Variants in SLC2A13 observed in about 807,000 individuals in gnomAD.
SLC2A13 encodes proton myo-inositol cotransporter.
A neutral mutation model predicts 64.4 loss-of-function variants in SLC2A13; 32 were observed. The ratio of observed to expected loss-of-function variants is 0.50; its 90% CI spans 0.37 to 0.67. SLC2A13 has a LOEUF of 0.67. Among genes scored for constraint, SLC2A13 ranks in the 30% least tolerant of loss-of-function variants. The pLI is 0.00. For missense variants in SLC2A13, 743 were observed against 829.2 expected, an observed-to-expected ratio of 0.90 and a Z score of 1.28; for synonymous variants, 338 against 327.1, an observed-to-expected ratio of 1.03 and a Z score of -0.36.
chr12:40,061,832 A>G (rs1261786293), intron 1 of SLC2A13, among the ~76,000 whole-genome samples: 1 of 152,126 alleles, frequency 6.6e-6, no homozygotes. Context: ...AGGAAATTTA[A>G]AAGTTGATCC....
chr12:40,082,501 G>T (rs990578348), intron 1 of SLC2A13, among the ~76,000 whole-genome samples: 1 of 152,188 alleles, frequency 6.6e-6, no homozygotes, highest in Non-Finnish European at 1.5e-5. Flanking sequence ...GGCAACCAAG[G>T]CCATGCTGCA....
intron 6 of SLC2A13, among the ~76,000 whole-genome samples, chr12:39,853,409 TA>T (rs897676159): frequency 1.1e-4 from 16 of 149,422 alleles, no homozygotes; most frequent in Admixed American, 4.0e-4. Flanking sequence ...TAACACTCTT[TA>T]AAAAAAAAAT....
chr12:40,071,469 G>A (rs1051037228), intron 1 of SLC2A13, among the ~76,000 whole-genome samples: 3 of 151,992 alleles, frequency 2.0e-5, no homozygotes, highest in African/African-American at 7.2e-5. Flanking sequence ...AGAGATACTG[G>A]TCTATAGTTT....
chr12:39,789,534 C>A (rs1006046392), intron 7 of SLC2A13, among the ~76,000 whole-genome samples: 7 of 152,016 alleles, frequency 4.6e-5, no homozygotes, highest in African/African-American at 1.4e-4. Flanking sequence ...TACATGTGTG[C>A]AAGGGTTTCT....
At chr12:39,899,106 G>A (rs1945010747) in intron 4 of SLC2A13, among the ~76,000 whole-genome samples, 1 of 152,044 alleles carries the variant, frequency 6.6e-6, no homozygotes, top group Non-Finnish European at 1.5e-5. Flanking sequence ...GAATCCATCT[G>A]GTCCTGGACT....
intron 1 of SLC2A13, among the ~76,000 whole-genome samples, chr12:40,052,958 CTA>C (rs1448320120): frequency 6.6e-6 from 1 of 152,032 alleles, no homozygotes. Flanking sequence ...TAAAGGCTTT[CTA>C]TGTTATCATT....
chr12:40,081,607 C>G (rs752092952), intron 1 of SLC2A13, among the ~76,000 whole-genome samples: 1 of 152,158 alleles, frequency 6.6e-6, no homozygotes, highest in African/African-American at 2.4e-5. Flanking sequence ...CTTAGATTCC[C>G]TGGATTCAGT....
At chr12:40,100,243 A>C (rs983401237) in intron 1 of SLC2A13, among the ~76,000 whole-genome samples, 1 of 152,246 alleles carries the variant, frequency 6.6e-6, no homozygotes, top group Non-Finnish European at 1.5e-5. Context: ...ATCTAAGATT[A>C]ATTCAACGAA....
chr12:40,092,486 A>G (rs1938800249), intron 1 of SLC2A13, among the ~76,000 whole-genome samples: 1 of 152,184 alleles, frequency 6.6e-6, no homozygotes. Flanking sequence ...TTTAAATTCC[A>G]CATATGTAAT....
intron 7 of SLC2A13, among the ~76,000 whole-genome samples, chr12:39,789,672 A>G (rs937979832): frequency 6.6e-6 from 1 of 152,200 alleles, no homozygotes; most frequent in Non-Finnish European, 1.5e-5. Flanking sequence ...CACTAGCAGT[A>G]GAAGACAGAG....
In SLC2A13 at chr12:39,998,163, G is replaced by GTA. The variant is rs534885459; in HGVS notation, c.925+30136_925+30137dup. The stretch of plus-strand genomic sequence containing the variant: ...CGAGTGGATAAAGAAATTGTGGTAT[G>GTA]TATATATATATGTATACAATGGAAT... On this transcript the variant is annotated intron_variant, in intron 3 of 9. Transcript: ENST00000280871. Among the ~76,000 whole-genome samples the GTA allele has an allele frequency of 2.5e-3, 380 of 152,096 alleles. 2 individuals are homozygous for GTA. The highest frequency in any genetic ancestry group is 0.015 in the East Asian group (79 of 5,168).
At chr12:39,907,424 C>A (rs769265905) in intron 4 of SLC2A13, among the ~76,000 whole-genome samples, 1 of 152,032 alleles carries the variant, frequency 6.6e-6, no homozygotes, top group South Asian at 2.1e-4. Context: ...CTCCAAAAAT[C>A]TTTTTGTGTA....
intron 3 of SLC2A13, among the ~76,000 whole-genome samples, chr12:40,018,185 A>T (rs1351741391): frequency 6.6e-6 from 1 of 152,146 alleles, no homozygotes; most frequent in Non-Finnish European, 1.5e-5. Context: ...GCACAAAATA[A>T]TAAGCTTCAC....
At chr12:39,799,402 G>A (rs536148511) in intron 7 of SLC2A13, among the ~76,000 whole-genome samples, 1 of 151,644 alleles carries the variant, frequency 6.6e-6, no homozygotes, top group East Asian at 1.9e-4. Flanking sequence ...GAGCCACTAA[G>A]CTCAGTCTGT....
At chr12:40,082,813 G>A (rs1402165689) in intron 1 of SLC2A13, among the ~76,000 whole-genome samples, 1 of 152,294 alleles carries the variant, frequency 6.6e-6, no homozygotes, top group African/African-American at 2.4e-5. Flanking sequence ...GGTCTGTAAC[G>A]AGAGTGGGCC....
chr12:39,867,864 C>T (rs1943947971), intron 5 of SLC2A13, among the ~76,000 whole-genome samples: 1 of 152,118 alleles, frequency 6.6e-6, no homozygotes, highest in African/African-American at 2.4e-5. Flanking sequence ...TTAAAGCTTT[C>T]CACAAGTGGT....
intron 3 of SLC2A13, among the ~76,000 whole-genome samples, chr12:40,015,617 A>C (rs1947608451): frequency 6.6e-6 from 1 of 150,684 alleles, no homozygotes; most frequent in African/African-American, 2.4e-5. Context: ...GGCTTCCAAC[A>C]CTCTCCCTCC....
intron 2 of SLC2A13, among the ~76,000 whole-genome samples, chr12:40,044,987 A>AT (rs1490767310): frequency 6.6e-6 from 1 of 152,210 alleles, no homozygotes; most frequent in Non-Finnish European, 1.5e-5. Flanking sequence ...TCAGGCAAAT[A>AT]TTTAACTTCT....
chr12:39,867,956 T>A (rs1399813618), intron 5 of SLC2A13, among the ~76,000 whole-genome samples: 1 of 152,210 alleles, frequency 6.6e-6, no homozygotes, highest in Non-Finnish European at 1.5e-5. Context: ...ACGACTTTAT[T>A]TATAAAATAA....
Sources: gnomAD v4.1 joint callset for allele counts (sites outside exome capture counted in the v4.1 genomes callset) on GRCh38, gnomAD v4.1.1 for gene constraint, MANE v1.5 for transcripts, NCBI Gene and HGNC (gene_info 2026-07-23, HGNC 2026-07-21) for gene names.